The following SBF2 variants were observed in gnomAD, a reference collection of about 807,000 sequenced individuals.
SBF2 encodes SET binding factor 2.
A neutral mutation model predicts 225.2 loss-of-function variants in SBF2; 112 were observed. The observed-to-expected ratio is 0.50, with a 90% CI of 0.43 to 0.58. The LOEUF is 0.58. SBF2 is among the 20% of genes least tolerant of loss of function. SBF2 has a pLI of 0.00. For missense variants in SBF2, 1,996 were observed against 2,206.2 expected (o/e 0.90, Z 1.91); for synonymous variants, 763 against 773.3 (o/e 0.99, Z 0.22).
At chr11:9,848,039 A>C (rs1441955947) in intron 22 of SBF2, among the ~76,000 whole-genome samples, 1 of 152,030 alleles carries the variant, frequency 6.6e-6, no homozygotes, top group Non-Finnish European at 1.5e-5. Flanking sequence ...GTGGTAGAGG[A>C]ACATAACAGG....
intron 1 of SBF2, among the ~76,000 whole-genome samples, chr11:10,230,706 G>A (rs898247173): frequency 4.6e-5 from 7 of 152,136 alleles, no homozygotes; most frequent in Non-Finnish European, 1.0e-4. Context: ...GCTTCCCTTT[G>A]TGGGTAACCC....
At chr11:9,897,837 T>C (rs775844844) in intron 16 of SBF2, among the ~76,000 whole-genome samples, 1 of 152,196 alleles carries the variant, frequency 6.6e-6, no homozygotes, top group Admixed American at 6.5e-5. Flanking sequence ...GAGCCACAAC[T>C]GGAGTCTGGA....
intron 38 of SBF2, chr11:9,782,928 A>G (rs1852123233): frequency 6.6e-6 from 1 of 152,072 alleles, no homozygotes; most frequent in Non-Finnish European, 1.5e-5. Context: ...CTAGGGAATA[A>G]GCCTTATTGG....
At position 9,789,109 on chromosome 11, in the gene SBF2, A is replaced by T; in HGVS notation, c.4932T>A (p.Ser1644Arg). The T allele has an allele frequency of 6.2e-7, 1 of 1,613,892 alleles. No individual in the cohort carries two copies. Among genetic ancestry groups the T allele is most frequent in the Non-Finnish European group, 8.5e-7 (1 of 1,179,840 alleles). Residue 1644 changes from serine to arginine, a missense_variant and splice_region_variant, in exon 35 of 40, where the codon AGT becomes AGA. Ser to Arg is a moderately radical substitution (Grantham distance 110). Transcript: ENST00000256190. The part of the protein sequence containing the change: ...TQPDALTSLF[S>R]EIEKLEHKLN... ...AGGTGTGTGTCTACAGTTGACTTACACTGAAAAGGCTGGTGAGAGCATCAG... is the reference window on the plus strand; with the variant it reads ...AGGTGTGTGTCTACAGTTGACTTACTCTGAAAAGGCTGGTGAGAGCATCAG...
chr11:9,910,652 G>C (rs925477806), intron 16 of SBF2, among the ~76,000 whole-genome samples: 3 of 151,644 alleles, frequency 2.0e-5, no homozygotes, highest in Non-Finnish European at 2.9e-5. Context: ...TGTAGGTCTA[G>C]GCTAATGTGT....
chr11:10,090,615 A>C (rs1951740972), intron 2 of SBF2, among the ~76,000 whole-genome samples: 1 of 152,056 alleles, frequency 6.6e-6, no homozygotes. Context: ...AAATACAAAA[A>C]TTAGCCGGGT....
intron 1 of SBF2, among the ~76,000 whole-genome samples, chr11:10,261,707 A>C (rs529353270): frequency 6.6e-6 from 1 of 152,368 alleles, no homozygotes; most frequent in African/African-American, 2.4e-5. Context: ...ATTATTGCCA[A>C]ACACTGGAAA....
intron 28 of SBF2, among the ~76,000 whole-genome samples, chr11:9,821,401 C>CG (rs1288381288): frequency 6.6e-6 from 1 of 152,128 alleles, no homozygotes; most frequent in Non-Finnish European, 1.5e-5. Context: ...TGAAAAACTG[C>CG]CAAGTTTTGG....
chr11:10,111,992 A>G (rs973852443), intron 2 of SBF2, among the ~76,000 whole-genome samples: 14 of 152,358 alleles, frequency 9.2e-5, no homozygotes, highest in African/African-American at 3.4e-4. Context: ...TATAAGCTGT[A>G]TTTAGACATC....
At chr11:9,908,851 AT>A (rs34026186) in intron 16 of SBF2, among the ~76,000 whole-genome samples, 90,185 of 125,290 alleles carry the variant, frequency 0.72, 31,663 homozygotes, top group East Asian at 0.94. Flanking sequence ...CGCATGGCTA[AT>A]TTTTTTTTTT....
intron 16 of SBF2, among the ~76,000 whole-genome samples, chr11:9,949,522 C>T (rs935237320): frequency 4.6e-5 from 7 of 152,100 alleles, no homozygotes; most frequent in Non-Finnish European, 1.0e-4. Flanking sequence ...TTATTAAATG[C>T]CTTTTCTTAA....
At chr11:9,939,241 A>G (rs968510444) in intron 16 of SBF2, among the ~76,000 whole-genome samples, 2 of 152,042 alleles carry the variant, frequency 1.3e-5, no homozygotes, top group East Asian at 1.9e-4. Context: ...GATTACAGGC[A>G]CCTGCCACCA....
chr11:9,961,722 C>T (rs138018503), intron 16 of SBF2: 310 of 434,272 alleles, frequency 7.1e-4, no homozygotes, highest in African/African-American at 5.7e-3. Context: ...GCTTATATTA[C>T]AGAACTAGTA....
At chr11:10,053,253 T>C (rs1176801576) in intron 2 of SBF2, among the ~76,000 whole-genome samples, 2 of 152,196 alleles carry the variant, frequency 1.3e-5, no homozygotes, top group Non-Finnish European at 2.9e-5. Flanking sequence ...GAAATAAGCA[T>C]AGTACTATAT....
At chr11:10,148,450 G>C (rs1326746011) in intron 2 of SBF2, among the ~76,000 whole-genome samples, 1 of 151,942 alleles carries the variant, frequency 6.6e-6, no homozygotes, top group Non-Finnish European at 1.5e-5. Context: ...AGCAAAGAGA[G>C]AATCTAATTA....
intron 2 of SBF2, among the ~76,000 whole-genome samples, chr11:10,066,986 A>G (rs1311465710): frequency 1.3e-5 from 2 of 152,338 alleles, no homozygotes; most frequent in East Asian, 3.9e-4. Context: ...AGCATCAAGA[A>G]TATGAACTAG....
chr11:10,022,122 G>A (rs1798597221), intron 6 of SBF2, among the ~76,000 whole-genome samples: 1 of 152,176 alleles, frequency 6.6e-6, no homozygotes, highest in South Asian at 2.1e-4. Flanking sequence ...CATAGCTAGT[G>A]CATTCTTTCA....
Position 9,781,457 on chromosome 11 carries a change from C to T in SBF2, c.5451+50G>A, listed in dbSNP as rs371727427. ...GGGCTCCATCATTCTTGGAGACAGA[C>T]AGAATGATGTGCAGACAGAGCCAGG... On this transcript the variant is annotated intron_variant, in intron 39 of 39. Coordinates refer to ENST00000256190, the MANE Select transcript of SBF2 (RefSeq NM_030962.4). 1.9e-6 allele frequency: 3 copies of T among 1,610,348 alleles called. No individual in the cohort carries two copies. The South Asian group carries it at 3.3e-5, about 18-fold the overall frequency.
At chr11:10,194,880 T>G (rs189878256) in intron 1 of SBF2, among the ~76,000 whole-genome samples, 2 of 148,396 alleles carry the variant, frequency 1.3e-5, no homozygotes, top group Non-Finnish European at 3.0e-5. Flanking sequence ...TGAAATCTAG[T>G]CTCTACCACG....
Sources: allele counts gnomAD v4.1 joint callset (sites outside exome capture counted in the v4.1 genomes callset), GRCh38; gene constraint gnomAD v4.1.1; transcripts MANE v1.5; gene names NCBI Gene and HGNC (gene_info 2026-07-23, HGNC 2026-07-21).